Variants in CACNA1C observed in about 807,000 individuals in gnomAD.
CACNA1C encodes calcium voltage-gated channel subunit alpha1 C.
In CACNA1C, 30 loss-of-function variants were observed where a neutral mutation model predicts 229.0. The observed-to-expected ratio is 0.13, with a 90% confidence interval of 0.10 to 0.18. The LOEUF (loss-of-function observed/expected upper bound fraction) is 0.18, where lower values mean the gene tolerates loss of function less well. CACNA1C is among the 10% of genes least tolerant of loss of function. CACNA1C has a pLI of 1.00. For synonymous variants in CACNA1C, 1,114 were observed against 1,132.5 expected (o/e 0.98, Z 0.33); for missense variants, 1,658 against 2,845.0 (o/e 0.58, Z 9.49).
intron 25 of CACNA1C, 48 bp downstream of exon 25, chr12:2,606,711 G>T: frequency 6.6e-7 from 1 of 1,513,174 alleles, no homozygotes; most frequent in Non-Finnish European, 9.1e-7. Flanking sequence ...GTCAGCCCCA[G>T]GAGGCTGGAG....
intron 1 of CACNA1C, among the ~76,000 whole-genome samples, chr12:2,015,344 A>C (rs2045170096): frequency 6.6e-6 from 1 of 152,198 alleles, no homozygotes; most frequent in South Asian, 2.1e-4. Context: ...AGTTTTCTGT[A>C]GTGGAGGCTG....
At chr12:2,299,797 A>C (rs1009672389) in intron 3 of CACNA1C, among the ~76,000 whole-genome samples, 1 of 152,116 alleles carries the variant, frequency 6.6e-6, no homozygotes, top group African/African-American at 2.4e-5. Flanking sequence ...GGTTCACTAG[A>C]TAGGCCACTT....
intron 3 of CACNA1C, among the ~76,000 whole-genome samples, chr12:2,265,297 GA>G (rs2081948801): frequency 6.6e-6 from 1 of 152,158 alleles, no homozygotes; most frequent in African/African-American, 2.4e-5. Context: ...GTGAATTACA[GA>G]GCTGGAAACA....
intron 3 of CACNA1C, among the ~76,000 whole-genome samples, chr12:2,171,798 G>A (rs2096492362): frequency 6.6e-6 from 1 of 152,192 alleles, no homozygotes. Flanking sequence ...AGAGGGGCAT[G>A]CGACTATCTC....
At chr12:2,190,857 C>G (rs529504178) in intron 3 of CACNA1C, among the ~76,000 whole-genome samples, 1 of 152,200 alleles carries the variant, frequency 6.6e-6, no homozygotes, top group African/African-American at 2.4e-5. Context: ...CTGTGCCATC[C>G]TCTCAGGCCT....
At chr12:2,024,407 T>C (rs1324267044) in intron 1 of CACNA1C, among the ~76,000 whole-genome samples, 1 of 152,174 alleles carries the variant, frequency 6.6e-6, no homozygotes, top group Non-Finnish European at 1.5e-5. Flanking sequence ...CATTTATTTC[T>C]CTCTCAAGCA....
chr12:2,465,839 C>T (rs938371733), intron 5 of CACNA1C, among the ~76,000 whole-genome samples: 2 of 152,146 alleles, frequency 1.3e-5, no homozygotes, highest in Admixed American at 1.3e-4. Context: ...TGTCACCGCT[C>T]TCTCCCACCC....
chr12:2,504,366 A>T lies in CACNA1C; in HGVS notation c.1114-476A>T, dbSNP rs1431929890. ...GTCTGTCCCCTCCCAATCTGCTCAC[A>T]CCTGCTGCCTGCCTCTTTGCTGTAA... On this transcript the variant is annotated intron_variant, in intron 7 of 46. Transcript: ENST00000399655. This position sits in a 1 kb window ranked among gnomAD's most constrained non-coding sequence, Gnocchi z 6.8. 2.3e-6 allele frequency: 2 copies of T among 866,026 alleles called. No individual in the cohort carries two copies. The highest frequency in any genetic ancestry group is 3.3e-5 in the African/African-American group (2 of 60,486). 53.6% of individuals were successfully genotyped at this position (866,026 alleles called of 1,614,324 possible). A position where few individuals can be genotyped will look rare whatever the true frequency, so the allele number is the denominator to read the frequency against.
intron 1 of CACNA1C, among the ~76,000 whole-genome samples, chr12:2,073,437 G>A (rs778881210): frequency 6.6e-6 from 1 of 152,224 alleles, no homozygotes; most frequent in Admixed American, 6.5e-5. Flanking sequence ...CAGAGAAAGG[G>A]CCCTTGCTGC....
At chr12:2,153,561 TCA>T (rs1375657852) in intron 3 of CACNA1C, among the ~76,000 whole-genome samples, 2 of 152,154 alleles carry the variant, frequency 1.3e-5, no homozygotes, top group East Asian at 3.9e-4. Flanking sequence ...AAGTGGAATC[TCA>T]GAGTATTTGT....
chr12:2,501,399 G>A (rs114208214), intron 7 of CACNA1C, among the ~76,000 whole-genome samples: 1 of 152,160 alleles, frequency 6.6e-6, no homozygotes, highest in African/African-American at 2.4e-5. Context: ...CCCATTCCAG[G>A]GCTGTCTCAA....
chr12:2,087,069 G>T (rs1008340454), intron 1 of CACNA1C, among the ~76,000 whole-genome samples: 5 of 152,108 alleles, frequency 3.3e-5, no homozygotes, highest in African/African-American at 1.2e-4. Flanking sequence ...CCCAGGCTGG[G>T]TTTTTTTATC....
At chr12:2,239,783 G>A (rs984443131) in intron 3 of CACNA1C, among the ~76,000 whole-genome samples, 14 of 152,252 alleles carry the variant, frequency 9.2e-5, no homozygotes, top group East Asian at 7.8e-4. Flanking sequence ...CAGCCATTGC[G>A]CCCATCTGTT....
Position 2,493,146 on chromosome 12 carries a change from C to G in CACNA1C, c.917-44C>G. 5 of 1,539,188 alleles carry G rather than the reference C, an allele frequency of 3.2e-6. No homozygotes were observed. The highest frequency in any genetic ancestry group is 1.7e-4 in the Middle Eastern group (1 of 5,870). On this transcript the variant is annotated intron_variant, in intron 6 of 46. Coordinates refer to ENST00000399655, the MANE Select transcript of CACNA1C (RefSeq NM_000719.7). The surrounding 1 kb of genome is among the most constrained non-coding windows in gnomAD (Gnocchi z 4.6). ...ACTTCTTTCTCTGCCCACATCTCTC[C>G]CTCCCTGCTGCTCCCGTCTCCTGTC...
chr12:2,319,656 T>TTTA lies in CACNA1C; in HGVS notation c.478-129319_478-129317dup, dbSNP rs1191424415. ...GACCTCATCTTCTTCAGACATTTCTTTTACTCTTTGGCTTGCTCTTGCTGT... is the reference window on the plus strand; with the variant it reads ...GACCTCATCTTCTTCAGACATTTCTTTTATTACTCTTTGGCTTGCTCTTGCTGT... On this transcript the variant is annotated intron_variant, in intron 3 of 46. Coordinates refer to ENST00000399655, the MANE Select transcript of CACNA1C (RefSeq NM_000719.7). The surrounding 1 kb of genome is among the most constrained non-coding windows in gnomAD (Gnocchi z 4.0). 6.6e-6 allele frequency among the ~76,000 whole-genome samples: 1 copy of TTTA among 152,112 alleles called. No homozygotes were observed. Among genetic ancestry groups the TTTA allele is most frequent in the Non-Finnish European group, 1.5e-5 (1 of 68,020 alleles).
chr12:2,215,879 C>T lies in CACNA1C; in HGVS notation c.477+95449C>T, dbSNP rs1425690264. Among the ~76,000 whole-genome samples the T allele has an allele frequency of 1.3e-5, 2 of 152,196 alleles. No homozygotes were observed. The highest frequency in any genetic ancestry group is 2.9e-5 in the Non-Finnish European group (2 of 68,036). ...TGTCCTAGAACACGCCCTGCTGCCA[C>T]CAGTGTGACATCAGCCGTGGTTGTG... On this transcript the variant is annotated intron_variant, in intron 3 of 46. Coordinates refer to ENST00000399655, the MANE Select transcript of CACNA1C (RefSeq NM_000719.7). This position sits in a 1 kb window ranked among gnomAD's most constrained non-coding sequence, Gnocchi z 5.0.
chr12:2,583,631 G>A (rs2061401537), intron 15 of CACNA1C, among the ~76,000 whole-genome samples: 1 of 152,202 alleles, frequency 6.6e-6, no homozygotes, highest in Non-Finnish European at 1.5e-5. Flanking sequence ...TGCAGACAAG[G>A]TTTCCTCTTT....
At chr12:2,603,709 T>C (rs1177226039) in intron 22 of CACNA1C, 4 of 152,152 alleles carry the variant, frequency 2.6e-5, no homozygotes, top group Non-Finnish European at 4.4e-5. Flanking sequence ...CCCAGGTGTA[T>C]GGAACCTGTA....
In CACNA1C at chr12:2,665,068, G is replaced by A. The variant is rs2096000169; in HGVS notation, c.4398+78G>A. On this transcript the variant is annotated intron_variant, in intron 35 of 46. Coordinates refer to ENST00000399655, the MANE Select transcript of CACNA1C (RefSeq NM_000719.7). This position sits in a 1 kb window ranked among gnomAD's most constrained non-coding sequence, Gnocchi z 5.9. ...GCAGTCTGAACCGTCCATCTCTGCA[G>A]CTCATGGTCAGGGCAACCCTATCAG... 4.0e-6 allele frequency: 6 copies of A among 1,498,968 alleles called. No homozygotes were observed. In the Admixed American group the frequency reaches 1.0e-4, roughly 26 times the overall value. 92.9% of individuals were successfully genotyped at this position (1,498,968 alleles called of 1,614,324 possible).
Sources: gnomAD v4.1 joint callset for allele counts (sites outside exome capture counted in the v4.1 genomes callset) on GRCh38, gnomAD v4.1.1 for gene constraint, Gnocchi (gnomAD v3.1) non-coding constraint, MANE v1.5 for transcripts, NCBI Gene and HGNC (gene_info 2026-07-23, HGNC 2026-07-21) for gene names.